Variants in SORL1 observed in about 807,000 individuals in gnomAD.
SORL1 encodes sortilin related receptor 1, also known as sortilin-related receptor.
In SORL1, 127 loss-of-function variants were observed where a neutral mutation model predicts 273.7. The observed-to-expected ratio is 0.46, with a 90% CI of 0.40 to 0.54. The LOEUF (loss-of-function observed/expected upper bound fraction) is 0.54. SORL1 is among the 20% of genes least tolerant of loss of function. The pLI is 0.00. For synonymous variants in SORL1, 1,031 were observed against 1,067.4 expected (o/e 0.97, Z 0.66); for missense variants, 2,494 against 2,846.1 (o/e 0.88, Z 2.81).
In SORL1 at chr11:121,605,524, A is replaced by T. The variant is rs566154971; in HGVS notation, c.4901A>T (p.Lys1634Met). 4.6e-5 allele frequency: 74 copies of T among 1,614,194 alleles called. 1 individual carries two copies. The East Asian group carries it at 1.3e-3, about 29-fold the overall frequency. Residue 1634 changes from lysine (K) to methionine (M), a missense_variant, in exon 35 of 48, where the codon AAG (lysine) becomes ATG (methionine). Around this residue, in one of 3 missense-constraint regions of SORL1, gnomAD observed 1,609 missense variants for 1,816.4 expected, o/e 0.89. Coordinates refer to ENST00000260197, the MANE Select transcript of SORL1 (RefSeq NM_003105.6). ...AAAGTACAGGTTCAGTGTCTCAGCA[A>T]GGCACACAACACCAATGACTTTGTG... is the stretch of plus-strand genomic sequence containing the variant. ...QVKVQVQCLS[K>M]AHNTNDFVTL...
At chr11:121,619,236 A>T (rs947129638) in intron 42 of SORL1, among the ~76,000 whole-genome samples, 10 of 152,238 alleles carry the variant, frequency 6.6e-5, no homozygotes, top group Non-Finnish European at 1.3e-4. Flanking sequence ...ATGGTACGTT[A>T]TTATTCTTAT....
intron 24 of SORL1, 160 bp from the exon 25 acceptor site, chr11:121,577,121 A>C (rs574039598): frequency 1.8e-6 from 2 of 1,133,452 alleles, no homozygotes; most frequent in Non-Finnish European, 2.5e-6. Context: ...GAAGCTGTTA[A>C]ATGACCTTTT....
At position 121,595,669 on chromosome 11, in the gene SORL1, C is replaced by A. The variant is rs752702132; in HGVS notation, c.4416C>A (p.Asp1472Glu). The A allele has an allele frequency of 1.2e-6, 2 of 1,613,020 alleles. No homozygotes were observed. Among genetic ancestry groups the A allele is most frequent in the East Asian group, 4.5e-5 (2 of 44,880 alleles). Reference sequence around the variant, plus strand: ...CTCCCACCCAACTTGGGCGATGTGACCGATTTGAGTTCGAATGCCACCAAC... The same window carrying A: ...CTCCCACCCAACTTGGGCGATGTGAACGATTTGAGTTCGAATGCCACCAAC... ...ASTPTQLGRC[D>E]RFEFECHQPK... is the part of the protein sequence containing the mutation. The change falls in exon 32 of 48, where the codon GAC becomes GAA. Residue 1472 changes from aspartate to glutamate, a missense_variant. Asp to Glu is a conservative substitution (Grantham distance 45). This residue lies in a region of SORL1 where 1,609 missense variants were observed against 1,816.4 expected (regional missense o/e 0.89). Transcript: ENST00000260197. The surrounding 1 kb of genome is among the most constrained non-coding windows in gnomAD (Gnocchi z 5.1).
intron 7 of SORL1, among the ~76,000 whole-genome samples, chr11:121,513,417 C>CT (rs796878397): frequency 1.4e-4 from 22 of 152,258 alleles, no homozygotes; most frequent in African/African-American, 5.3e-4. Context: ...ATGATAGGAT[C>CT]TTTTTTTATT....
In SORL1 at chr11:121,621,171, C is replaced by A. The variant is rs775646236; in HGVS notation, c.5997C>A (p.Gly1999=). 1 of 1,614,020 alleles carries A rather than the reference C, an allele frequency of 6.2e-7. No individual in the cohort carries two copies. Among genetic ancestry groups the A allele is most frequent in the Non-Finnish European group, 8.5e-7 (1 of 1,179,900 alleles). Reference sequence around the variant, plus strand: ...ACACCCTTAACAAGTTGGAGCCTGGCGGGAAATACCACATCATTGTCCAAC... The same window carrying A: ...ACACCCTTAACAAGTTGGAGCCTGGAGGGAAATACCACATCATTGTCCAAC... ...VEYTLNKLEP[G]GKYHIIVQLG... Residue 1999 remains glycine, a synonymous_variant, in exon 44 of 48, where the codon GGC becomes GGA. Transcript: ENST00000260197.
chr11:121,583,691 ATTTACACTC>A, intron 26 of SORL1, 108 bp downstream of exon 26: 1 of 1,255,904 alleles, frequency 8.0e-7, no homozygotes, highest in South Asian at 1.7e-5. Flanking sequence ...CTATGCCTGT[ATTTACACTC>A]TGAAACCAAA....
chr11:121,564,441 C>T (rs1862724214), intron 21 of SORL1, among the ~76,000 whole-genome samples: 1 of 152,188 alleles, frequency 6.6e-6, no homozygotes, highest in South Asian at 2.1e-4. Flanking sequence ...GAGTTCTCTA[C>T]TCTTAGCTCT....
chr11:121,524,372 G>A (rs542791192), intron 11 of SORL1, among the ~76,000 whole-genome samples: 57 of 152,340 alleles, frequency 3.7e-4, no homozygotes, highest in African/African-American at 1.1e-3. Flanking sequence ...GTATCGTCTG[G>A]TGATTACCGG....
At chr11:121,511,261 C>T (rs1238401615) in intron 6 of SORL1, among the ~76,000 whole-genome samples, 1 of 152,006 alleles carries the variant, frequency 6.6e-6, no homozygotes, top group African/African-American at 2.4e-5. Flanking sequence ...ATTCTTAATA[C>T]TCAGGCCTCC....
At chr11:121,512,096 C>T (rs1861888757) in intron 6 of SORL1, among the ~76,000 whole-genome samples, 1 of 152,174 alleles carries the variant, frequency 6.6e-6, no homozygotes, top group South Asian at 2.1e-4. Flanking sequence ...TAGTTCTTAT[C>T]CTTTTTTGAG....
intron 24 of SORL1, chr11:121,576,995 T>C (rs1182314943): frequency 4.2e-6 from 6 of 1,434,096 alleles, no homozygotes; most frequent in African/African-American, 1.4e-5. Context: ...ATAATATATG[T>C]GGAGAGCACT....
Position 121,522,645 on chromosome 11 carries a change from G to A in SORL1, c.1464G>A (p.Gln488=). The A allele has an allele frequency of 1.2e-6, 2 of 1,614,206 alleles. No individual in the cohort carries two copies. The highest frequency in any genetic ancestry group is 1.1e-5 in the South Asian group (1 of 91,090). The change falls in exon 10 of 48, where the codon CAG becomes CAA. Residue 488 remains glutamine, a synonymous_variant. Coordinates refer to ENST00000260197, the MANE Select transcript of SORL1 (RefSeq NM_003105.6). ...AQRLSQLLNL[Q]LRRMPILSKE... The stretch of plus-strand genomic sequence containing the variant: ...GCCTCAGTCAGCTCCTCAACCTCCA[G>A]CTCCGGAGAATGCCCATCCTGTCCA...
At chr11:121,607,976 C>A in intron 37 of SORL1, 128 bp from the exon 38 acceptor site, 2 of 712,600 alleles carry the variant, frequency 2.8e-6, no homozygotes, top group Non-Finnish European at 4.7e-6. Context: ...TATTCTGGAT[C>A]ACTCTGTATA....
chr11:121,549,662 A>G (rs1862479411), intron 14 of SORL1, among the ~76,000 whole-genome samples: 2 of 120,848 alleles, frequency 1.7e-5, no homozygotes, highest in South Asian at 5.6e-4. Flanking sequence ...GGGCAGGTCC[A>G]GAGTCTTAAA....
intron 11 of SORL1, among the ~76,000 whole-genome samples, chr11:121,529,557 A>G (rs1247462152): frequency 4.0e-5 from 6 of 151,756 alleles, no homozygotes; most frequent in Non-Finnish European, 5.9e-5. Context: ...CTTTCAACCT[A>G]TATATGTCTT....
At chr11:121,620,542 C>T (rs1396443513) in intron 43 of SORL1, among the ~76,000 whole-genome samples, 2 of 152,208 alleles carry the variant, frequency 1.3e-5, no homozygotes, top group African/African-American at 2.4e-5. Flanking sequence ...GTTGCTAATA[C>T]TCCTCTCAAC....
chr11:121,597,254 C>T (rs1863308872), intron 32 of SORL1, among the ~76,000 whole-genome samples: 1 of 152,228 alleles, frequency 6.6e-6, no homozygotes, highest in South Asian at 2.1e-4. Context: ...GGGTGCCCGA[C>T]TGGGCTCTCC....
chr11:121,494,992 A>C (rs1173966113), intron 5 of SORL1, among the ~76,000 whole-genome samples: 1 of 152,252 alleles, frequency 6.6e-6, no homozygotes, highest in Non-Finnish European at 1.5e-5. Flanking sequence ...GTTCTCCCAC[A>C]CTAGGACCAA....
At chr11:121,579,238 G>C (rs557361724) in intron 25 of SORL1, among the ~76,000 whole-genome samples, 1 of 152,102 alleles carries the variant, frequency 6.6e-6, no homozygotes, top group African/African-American at 2.4e-5. Context: ...TTGTTCCAAG[G>C]GCTGTTCTTC....
Sources: gnomAD v4.1 joint callset for allele counts (sites outside exome capture counted in the v4.1 genomes callset) on GRCh38, gnomAD v4.1.1 for gene constraint, gnomAD v4.1.1 regional missense constraint, Gnocchi (gnomAD v3.1) non-coding constraint, MANE v1.5 for transcripts, NCBI Gene and HGNC (gene_info 2026-07-23, HGNC 2026-07-21) for gene names.